The following NRXN3 variants were observed in gnomAD, a reference collection of about 807,000 sequenced individuals.
NRXN3 encodes neurexin III.
In NRXN3, 32 loss-of-function variants were observed where a neutral mutation model predicts 137.6. The observed-to-expected ratio is 0.23, with a 90% CI of 0.18 to 0.31. NRXN3 has a LOEUF of 0.31. Among genes scored for constraint, NRXN3 ranks in the 10% least tolerant of loss-of-function variants. The pLI, the probability that NRXN3 is intolerant of heterozygous loss-of-function variation, is 1.00. For synonymous variants in NRXN3, 798 were observed against 784.5 expected (o/e 1.02, Z -0.29); for missense variants, 1,574 against 2,062.5 (o/e 0.76, Z 4.59).
intron 15 of NRXN3, among the ~76,000 whole-genome samples, chr14:79,122,950 C>T (rs1463721181): frequency 6.6e-6 from 1 of 151,980 alleles, no homozygotes; most frequent in African/African-American, 2.4e-5. Flanking sequence ...CTTTGGAGGC[C>T]AAAGGTGACT....
At chr14:78,760,288 C>T (rs915720661) in intron 8 of NRXN3, among the ~76,000 whole-genome samples, 3 of 150,702 alleles carry the variant, frequency 2.0e-5, no homozygotes, top group Non-Finnish European at 4.4e-5. Context: ...GTGATCCGCC[C>T]GCCTCGGCCT....
At chr14:78,993,942 T>C (rs1036414991) in intron 15 of NRXN3, among the ~76,000 whole-genome samples, 2 of 148,280 alleles carry the variant, frequency 1.3e-5, no homozygotes, top group African/African-American at 4.9e-5. Context: ...CTCCGCCTCT[T>C]GGGTTCAAGT....
At chr14:78,480,140 G>GAAAC (rs1302094904) in intron 4 of NRXN3, among the ~76,000 whole-genome samples, 1 of 152,010 alleles carries the variant, frequency 6.6e-6, no homozygotes. Context: ...GACCCTCAAA[G>GAAAC]AAACAAACAA....
At chr14:78,584,668 A>G (rs2152378185) in intron 4 of NRXN3, among the ~76,000 whole-genome samples, 1 of 152,372 alleles carries the variant, frequency 6.6e-6, no homozygotes, top group East Asian at 1.9e-4. Context: ...CATCTGTTGA[A>G]ATACAAAAAT....
At chr14:78,535,169 C>T (rs939919812) in intron 4 of NRXN3, among the ~76,000 whole-genome samples, 2 of 150,952 alleles carry the variant, frequency 1.3e-5, no homozygotes, top group Admixed American at 1.3e-4. Context: ...CCATTTCCCT[C>T]AGGTAGAGTG....
intron 15 of NRXN3, among the ~76,000 whole-genome samples, chr14:79,053,175 A>C (rs931897109): frequency 1.3e-5 from 2 of 152,232 alleles, no homozygotes; most frequent in African/African-American, 4.8e-5. Flanking sequence ...TGGATAGGAA[A>C]TTAAAGCAAC....
rs375871877 is a variant in NRXN3, at chr14:78,701,269, C to A, written c.1222-7948C>A. Among the ~76,000 whole-genome samples, 56 of 152,296 alleles carry A rather than the reference C, an allele frequency of 3.7e-4. No homozygotes were observed. In the Middle Eastern group the frequency reaches 0.017, roughly 46 times the overall value. ...CTTACTGTTCACATCTGTAACTGGG[C>A]ATAAACCTATAGGATCATTTTCCTT... On this transcript the variant is annotated intron_variant, in intron 6 of 20. Coordinates refer to ENST00000335750, the MANE Select transcript of NRXN3 (RefSeq NM_001330195.2).
At chr14:78,478,974 C>T (rs1280368415) in intron 4 of NRXN3, among the ~76,000 whole-genome samples, 1 of 152,188 alleles carries the variant, frequency 6.6e-6, no homozygotes, top group African/African-American at 2.4e-5. Context: ...ATATCACCAA[C>T]GTCCAAGAAG....
intron 4 of NRXN3, among the ~76,000 whole-genome samples, chr14:78,611,888 G>A (rs140220354): frequency 2.6e-3 from 395 of 152,292 alleles, no homozygotes; most frequent in Non-Finnish European, 4.2e-3. Flanking sequence ...CCAGACAAGT[G>A]CCTTTGAATT....
At chr14:79,055,065 T>C (rs1389071456) in intron 15 of NRXN3, among the ~76,000 whole-genome samples, 1 of 152,164 alleles carries the variant, frequency 6.6e-6, no homozygotes, top group African/African-American at 2.4e-5. Flanking sequence ...CTAATCCCAC[T>C]ACTGTGGCTT....
At chr14:78,684,056 A>G (rs1476728626) in intron 6 of NRXN3, among the ~76,000 whole-genome samples, 1 of 152,138 alleles carries the variant, frequency 6.6e-6, no homozygotes, top group Non-Finnish European at 1.5e-5. Flanking sequence ...TGGAGATCAT[A>G]TTGTCTTCTT....
intron 16 of NRXN3, among the ~76,000 whole-genome samples, chr14:79,660,089 CA>C (rs1241458343): frequency 6.6e-6 from 1 of 152,180 alleles, no homozygotes; most frequent in Admixed American, 6.5e-5. Context: ...TGCCCAAGGT[CA>C]GTCAGGTCTG....
At chr14:78,223,853 A>G (rs2064144971) in intron 1 of NRXN3, among the ~76,000 whole-genome samples, 1 of 152,192 alleles carries the variant, frequency 6.6e-6, no homozygotes. Context: ...TATTTGCTAC[A>G]TTCTCACTCT....
chr14:78,869,497 C>T (rs921911327), intron 10 of NRXN3, among the ~76,000 whole-genome samples: 2 of 151,482 alleles, frequency 1.3e-5, no homozygotes, highest in African/African-American at 4.8e-5. Flanking sequence ...TCTGGCTTCT[C>T]CTTACCTGTG....
intron 16 of NRXN3, among the ~76,000 whole-genome samples, chr14:79,660,455 A>C (rs896757210): frequency 1.3e-5 from 2 of 152,198 alleles, no homozygotes; most frequent in Non-Finnish European, 2.9e-5. Context: ...TAACAGGATT[A>C]AGAAGATCTC....
chr14:78,368,496 A>G (rs1195791398), intron 4 of NRXN3, among the ~76,000 whole-genome samples: 2 of 152,208 alleles, frequency 1.3e-5, no homozygotes, highest in African/African-American at 2.4e-5. Flanking sequence ...GTTCGAGAAC[A>G]GCCTGGCCAA....
intron 16 of NRXN3, among the ~76,000 whole-genome samples, chr14:79,598,849 G>C (rs1435645736): frequency 6.6e-6 from 1 of 152,152 alleles, no homozygotes; most frequent in Non-Finnish European, 1.5e-5. Context: ...AATTTGACCA[G>C]ATTATCAAAT....
At position 79,862,433 on chromosome 14, in the gene NRXN3, C is replaced by G. The variant is rs1370993414; in HGVS notation, c.*469C>G. 1.4e-5 allele frequency: 2 copies of G among 141,332 alleles called. No individual in the cohort carries two copies. The highest frequency in any genetic ancestry group is 5.3e-5 in the African/African-American group (2 of 37,790). The allele number at this position is 141,332 out of a possible 1,614,324, so 8.8% of individuals were successfully genotyped here. On this transcript the variant is annotated 3_prime_UTR_variant, in exon 21 of 21. Coordinates refer to ENST00000335750, the MANE Select transcript of NRXN3 (RefSeq NM_001330195.2). Reference sequence around the variant, plus strand: ...AATTATGTAAAAAACAAAACTACAACAACAAAAAAAGAAAAAAGTTAAAAA... The same window carrying G: ...AATTATGTAAAAAACAAAACTACAAGAACAAAAAAAGAAAAAAGTTAAAAA...
At position 79,709,871 on chromosome 14, in the gene NRXN3, T is replaced by C. The variant is rs1263077824; in HGVS notation, c.4014+11934T>C. 5.9e-5 allele frequency among the ~76,000 whole-genome samples: 9 copies of C among 152,206 alleles called. No individual in the cohort carries two copies. The East Asian group carries it at 1.7e-3, about 29-fold the overall frequency. On this transcript the variant is annotated intron_variant, in intron 19 of 20. Transcript: ENST00000335750. ...AGGCCATTTCTCATTATTATTATTA[T>C]CATTATTAGTTCCTTACTACCCTAT...
Sources: gnomAD v4.1 joint callset for allele counts (sites outside exome capture counted in the v4.1 genomes callset) on GRCh38, gnomAD v4.1.1 for gene constraint, MANE v1.5 for transcripts, NCBI Gene and HGNC (gene_info 2026-07-23, HGNC 2026-07-21) for gene names.